The following ADAMTS6 variants were observed in gnomAD, a reference collection of about 807,000 sequenced individuals.
ADAMTS6 encodes ADAM metallopeptidase with thrombospondin type 1 motif 6, also known as A disintegrin and metalloproteinase with thrombospondin motifs 6.
ADAMTS6 carries 23 observed loss-of-function variants against 144.3 expected under a neutral mutation model. The observed-to-expected ratio is 0.16, with a 90% CI of 0.11 to 0.23. ADAMTS6 has a LOEUF of 0.23. ADAMTS6 is among the 10% of genes least tolerant of loss of function. The pLI is 1.00. For missense variants in ADAMTS6, 999 were observed against 1,379.6 expected, an observed-to-expected ratio of 0.72 and a Z score of 4.37; for synonymous variants, 444 against 457.5, an observed-to-expected ratio of 0.97 and a Z score of 0.38.
At chr5:65,445,986 A>G (rs1758247598) in intron 7 of ADAMTS6, among the ~76,000 whole-genome samples, 1 of 152,234 alleles carries the variant, frequency 6.6e-6, no homozygotes, top group South Asian at 2.1e-4. Context: ...GCGTGGTAAG[A>G]GAAAAATAAA....
At chr5:65,334,903 G>A (rs1747156173) in intron 7 of ADAMTS6, among the ~76,000 whole-genome samples, 1 of 152,060 alleles carries the variant, frequency 6.6e-6, no homozygotes, top group South Asian at 2.1e-4. Flanking sequence ...AGTTTCTAAA[G>A]TGAGAGTAAA....
At chr5:65,379,507 CCTAA>C (rs1214212697) in intron 7 of ADAMTS6, among the ~76,000 whole-genome samples, 1 of 152,138 alleles carries the variant, frequency 6.6e-6, no homozygotes, top group Non-Finnish European at 1.5e-5. Context: ...GAGATCTCAT[CCTAA>C]CTTTGTAGTC....
intron 9 of ADAMTS6, among the ~76,000 whole-genome samples, chr5:65,328,867 G>A (rs1484150734): frequency 6.6e-6 from 1 of 151,806 alleles, no homozygotes; most frequent in African/African-American, 2.4e-5. Context: ...AGAAAGAAAG[G>A]AGGATGGTAT....
chr5:65,232,920 C>T (rs1758372793), intron 15 of ADAMTS6, among the ~76,000 whole-genome samples: 1 of 152,030 alleles, frequency 6.6e-6, no homozygotes, highest in South Asian at 2.1e-4. Flanking sequence ...GCCAATATCC[C>T]TGATGAACAT....
At chr5:65,330,049 C>T (rs1746571661) in intron 8 of ADAMTS6, among the ~76,000 whole-genome samples, 1 of 151,934 alleles carries the variant, frequency 6.6e-6, no homozygotes. Context: ...TTAATCCTGA[C>T]AGTGATGCAA....
In ADAMTS6 at chr5:65,197,075, G is replaced by A. The variant is rs952498594; in HGVS notation, c.2652C>T (p.Asp884=). ...SIVQNNYCDP[D]SKPPENQRAC... is the part of the protein sequence containing the mutation. Reference sequence around the variant, plus strand: ...CTCTTTGATTTTCAGGTGGCTTACTGTCAGGATCACAGTAATTGTTCTGGA... The same window carrying A: ...CTCTTTGATTTTCAGGTGGCTTACTATCAGGATCACAGTAATTGTTCTGGA... Residue 884 remains aspartate, a synonymous_variant, in exon 21 of 25, where the codon GAC becomes GAT. Transcript: ENST00000381055. 2.5e-6 allele frequency: 4 copies of A among 1,614,020 alleles called. No individual in the cohort carries two copies. In the South Asian group the frequency reaches 4.4e-5, roughly 18 times the overall value.
At chr5:65,300,366 T>C (rs1261712181) in intron 9 of ADAMTS6, among the ~76,000 whole-genome samples, 1 of 152,210 alleles carries the variant, frequency 6.6e-6, no homozygotes, top group African/African-American at 2.4e-5. Context: ...CTCTCACCTG[T>C]TATCGCACGT....
At chr5:65,274,733 G>A (rs1382835516) in intron 11 of ADAMTS6, among the ~76,000 whole-genome samples, 3 of 152,128 alleles carry the variant, frequency 2.0e-5, no homozygotes, top group African/African-American at 7.2e-5. Flanking sequence ...CACCTAGGCT[G>A]GAGTGCGGTG....
Position 65,443,021 on chromosome 5 carries a change from A to G in ADAMTS6, c.1073+8454T>C, listed in dbSNP as rs370531099. On this transcript the variant is annotated intron_variant, in intron 7 of 24. Transcript: ENST00000381055. ...AAAAGACATAATCTCGTTCCTTTTT[A>G]TGGCTGCATAGTATTCCATGGTGTA... 6.6e-5 allele frequency among the ~76,000 whole-genome samples: 10 copies of G among 152,254 alleles called. No individual in the cohort carries two copies. In the East Asian group the frequency reaches 1.2e-3, roughly 18 times the overall value.
At chr5:65,466,890 A>C (rs889170299) in intron 3 of ADAMTS6, among the ~76,000 whole-genome samples, 1 of 152,084 alleles carries the variant, frequency 6.6e-6, no homozygotes, top group South Asian at 2.1e-4. Flanking sequence ...AAAACACAAA[A>C]AATTAGCCGG....
intron 15 of ADAMTS6, 128 bp from the exon 16 acceptor site, chr5:65,226,347 G>T: frequency 1.1e-6 from 1 of 943,712 alleles, no homozygotes; most frequent in South Asian, 4.0e-5. Context: ...GATTGTGTAG[G>T]TTTCTTTCCC....
intron 15 of ADAMTS6, among the ~76,000 whole-genome samples, chr5:65,236,406 A>G (rs1203096873): frequency 1.3e-5 from 2 of 151,826 alleles, no homozygotes; most frequent in African/African-American, 4.8e-5. Context: ...TCCCACCTCA[A>G]CCTCCTGAGT....
chr5:65,452,306 T>C, intron 5 of ADAMTS6, 90 bp from the exon 6 acceptor site: 1 of 1,141,656 alleles, frequency 8.8e-7, no homozygotes, highest in Non-Finnish European at 1.3e-6. Context: ...CAATTTTTTA[T>C]AAATTTAGCC....
intron 9 of ADAMTS6, among the ~76,000 whole-genome samples, chr5:65,317,687 A>G (rs1745148128): frequency 6.6e-6 from 1 of 152,230 alleles, no homozygotes. Context: ...ACCAGAATAT[A>G]TAAAGAGCTC....
At chr5:65,371,305 AAAC>A (rs1201103688) in intron 7 of ADAMTS6, among the ~76,000 whole-genome samples, 1 of 152,250 alleles carries the variant, frequency 6.6e-6, no homozygotes, top group Non-Finnish European at 1.5e-5. Flanking sequence ...AGAAGGCTTC[AAAC>A]AATCAAATTA....
intron 9 of ADAMTS6, among the ~76,000 whole-genome samples, chr5:65,323,524 A>G (rs1431953389): frequency 6.6e-6 from 1 of 151,876 alleles, no homozygotes; most frequent in Non-Finnish European, 1.5e-5. Flanking sequence ...TCATTGTTGG[A>G]CATTTGGGTT....
intron 21 of ADAMTS6, among the ~76,000 whole-genome samples, chr5:65,191,202 G>A (rs1313845939): frequency 6.6e-6 from 1 of 151,970 alleles, no homozygotes; most frequent in Non-Finnish European, 1.5e-5. Context: ...AACAATTAGT[G>A]GGATTCATGT....
intron 7 of ADAMTS6, among the ~76,000 whole-genome samples, chr5:65,429,358 A>G (rs561923947): frequency 2.0e-5 from 3 of 152,232 alleles, no homozygotes; most frequent in Admixed American, 2.0e-4. Flanking sequence ...TAAAATGTAC[A>G]GTTTTCCCTG....
intron 9 of ADAMTS6, among the ~76,000 whole-genome samples, chr5:65,326,558 G>A (rs932258908): frequency 6.6e-6 from 1 of 152,124 alleles, no homozygotes; most frequent in South Asian, 2.1e-4. Context: ...ACAATTTAAA[G>A]AAAGGGAGAA....
Sources: allele counts gnomAD v4.1 joint callset (sites outside exome capture counted in the v4.1 genomes callset), GRCh38; gene constraint gnomAD v4.1.1; transcripts MANE v1.5; gene names NCBI Gene and HGNC (gene_info 2026-07-23, HGNC 2026-07-21).